TNIK: variants seen among roughly 807,000 people sequenced by gnomAD.
TNIK encodes TRAF2 and NCK-interacting protein kinase.
In TNIK, 49 loss-of-function variants were observed where a neutral mutation model predicts 191.3. The observed-to-expected ratio is 0.26, with a 90% CI of 0.20 to 0.32. The LOEUF (loss-of-function observed/expected upper bound fraction) is 0.32. Among genes scored for constraint, TNIK ranks in the 10% least tolerant of loss-of-function variants. The probability of loss-of-function intolerance (pLI) is 1.00; values close to 1 mark genes in which losing one functional copy is unlikely to be tolerated. For synonymous variants in TNIK, 594 were observed against 600.9 expected (o/e 0.99, Z 0.17); for missense variants, 1,155 against 1,702.3 (o/e 0.68, Z 5.66).
At chr3:171,308,428 T>A (rs2108292794) in intron 2 of TNIK, among the ~76,000 whole-genome samples, 1 of 152,150 alleles carries the variant, frequency 6.6e-6, no homozygotes, top group African/African-American at 2.4e-5. Context: ...CATCAAAAAT[T>A]TCAATGTAAA....
chr3:171,381,131 T>C (rs1717972596), intron 1 of TNIK, among the ~76,000 whole-genome samples: 1 of 152,166 alleles, frequency 6.6e-6, no homozygotes, highest in Non-Finnish European at 1.5e-5. Context: ...TGCTTGCTTA[T>C]TAGTTTTGCA....
chr3:171,096,760 T>C (rs1408244929), intron 22 of TNIK, among the ~76,000 whole-genome samples: 1 of 152,192 alleles, frequency 6.6e-6, no homozygotes, highest in Non-Finnish European at 1.5e-5. Flanking sequence ...CTCATTAATG[T>C]TGGTATTTTC....
intron 2 of TNIK, among the ~76,000 whole-genome samples, chr3:171,356,169 A>T (rs1714023316): frequency 6.6e-6 from 1 of 151,454 alleles, no homozygotes; most frequent in African/African-American, 2.4e-5. Context: ...GTCTGAATAT[A>T]GAGTTTTTCT....
chr3:171,264,480 C>T (rs980653345), intron 2 of TNIK, among the ~76,000 whole-genome samples: 2 of 151,960 alleles, frequency 1.3e-5, no homozygotes, highest in African/African-American at 2.4e-5. Context: ...CTCAGCCCCC[C>T]GAGTAGCTAG....
At chr3:171,421,397 C>G (rs1313503727) in intron 1 of TNIK, among the ~76,000 whole-genome samples, 1 of 152,158 alleles carries the variant, frequency 6.6e-6, no homozygotes, top group Admixed American at 6.5e-5. Context: ...AGTCTACCAG[C>G]TTATCCTCTA....
At chr3:171,162,991 GC>G (rs1205174903) in intron 10 of TNIK, among the ~76,000 whole-genome samples, 2 of 152,216 alleles carry the variant, frequency 1.3e-5, no homozygotes, top group African/African-American at 4.8e-5. Context: ...AATGAACTGG[GC>G]TTTGGAAGGT....
rs146643429 is a variant in TNIK, at chr3:171,225,620, A to G, written c.180+2545T>C. ...AGATGCTTAATGAAACCCAGTTTAG[A>G]AAGACTAACTGACATTCCTTAAGCT... On this transcript the variant is annotated intron_variant, in intron 3 of 32. Coordinates refer to ENST00000436636, the MANE Select transcript of TNIK (RefSeq NM_015028.4). 1.0e-3 allele frequency: 478 copies of G among 456,498 alleles called. 1 individual carries two copies. Among genetic ancestry groups the G allele is most frequent in the African/African-American group, 8.4e-3 (421 of 50,186 alleles). The allele number at this position is 456,498 out of a possible 1,614,324, so 28.3% of individuals were successfully genotyped here. A position where few individuals can be genotyped will look rare whatever the true frequency, so the allele number is the denominator to read the frequency against.
At chr3:171,455,612 C>T (rs1728703654) in intron 1 of TNIK, among the ~76,000 whole-genome samples, 1 of 152,206 alleles carries the variant, frequency 6.6e-6, no homozygotes, top group African/African-American at 2.4e-5. Flanking sequence ...CTAAATTCTA[C>T]TTAACCATGG....
chr3:171,449,748 T>C (rs1170716518), intron 1 of TNIK, among the ~76,000 whole-genome samples: 4 of 151,930 alleles, frequency 2.6e-5, no homozygotes, highest in Non-Finnish European at 5.9e-5. Flanking sequence ...CCATTGCTTT[T>C]ACAATGAGAA....
At chr3:171,451,106 T>C (rs1233494931) in intron 1 of TNIK, among the ~76,000 whole-genome samples, 2 of 152,190 alleles carry the variant, frequency 1.3e-5, no homozygotes, top group Non-Finnish European at 2.9e-5. Flanking sequence ...TCTTGTGTAG[T>C]CCCCTTCGAA....
At chr3:171,346,793 G>C (rs1004111912) in intron 2 of TNIK, 2 of 167,342 alleles carry the variant, frequency 1.2e-5, no homozygotes, top group Non-Finnish European at 2.5e-5. Flanking sequence ...TAAAGAGAAA[G>C]CAGTATGTCT....
intron 1 of TNIK, 105 bp from the exon 2 acceptor site, chr3:171,369,790 A>C (rs530474095): frequency 1.7e-5 from 15 of 875,444 alleles, no homozygotes; most frequent in South Asian, 1.4e-4. Context: ...TAACAACTTT[A>C]GCTTCAGGGG....
At chr3:171,123,379 A>T (rs980592544) in intron 18 of TNIK, among the ~76,000 whole-genome samples, 5 of 152,246 alleles carry the variant, frequency 3.3e-5, no homozygotes, top group Admixed American at 3.3e-4. Context: ...TGCCCCATTA[A>T]TTAATTTATT....
At chr3:171,256,753 G>A (rs543162996) in intron 2 of TNIK, among the ~76,000 whole-genome samples, 7 of 152,138 alleles carry the variant, frequency 4.6e-5, no homozygotes, top group African/African-American at 1.4e-4. Flanking sequence ...TGACTTGGGA[G>A]TTTCTTTTTG....
rs149276725 is a variant in TNIK, at chr3:171,145,636, T to C, written c.1222-5127A>G. ...TCAAAGGTAATGCATTTATCCCAAA[T>C]TGGCTATGTAGAATTTTTGCTGTTT... is the stretch of plus-strand genomic sequence containing the variant. On this transcript the variant is annotated intron_variant, in intron 12 of 32. Transcript: ENST00000436636. Among the ~76,000 whole-genome samples the C allele has an allele frequency of 3.5e-4, 54 of 152,294 alleles. 1 individual carries two copies. The highest frequency in any genetic ancestry group is 1.2e-3 in the African/African-American group (48 of 41,572).
chr3:171,222,966 T>G (rs890944109), intron 3 of TNIK, among the ~76,000 whole-genome samples: 8 of 152,180 alleles, frequency 5.3e-5, no homozygotes, highest in Non-Finnish European at 8.8e-5. Flanking sequence ...TACATTTCTT[T>G]TATGTATTGG....
intron 2 of TNIK, among the ~76,000 whole-genome samples, chr3:171,287,094 G>C (rs1210147734): frequency 1.3e-5 from 2 of 152,284 alleles, no homozygotes; most frequent in Admixed American, 1.3e-4. Context: ...AAGGCAAGTA[G>C]GGGTTTTCCC....
chr3:171,328,866 G>C (rs1291843510), intron 2 of TNIK, among the ~76,000 whole-genome samples: 3 of 152,104 alleles, frequency 2.0e-5, no homozygotes, highest in Admixed American at 2.0e-4. Context: ...GGTGGCTGTG[G>C]CAGGAAGTCA....
At chr3:171,216,383 A>C (rs915155468) in intron 3 of TNIK, among the ~76,000 whole-genome samples, 1 of 152,250 alleles carries the variant, frequency 6.6e-6, no homozygotes, top group Non-Finnish European at 1.5e-5. Context: ...ATACAAAATT[A>C]GAAAGAAATT....
Sources: gnomAD v4.1 joint callset for allele counts (sites outside exome capture counted in the v4.1 genomes callset) on GRCh38, gnomAD v4.1.1 for gene constraint, MANE v1.5 for transcripts, NCBI Gene and HGNC (gene_info 2026-07-23, HGNC 2026-07-21) for gene names.